Variants in SCHIP1 observed in about 807,000 individuals in gnomAD.
The protein encoded by SCHIP1 is schwannomin interacting protein 1, also known as schwannomin-interacting protein 1.
SCHIP1 carries 8 observed loss-of-function variants against 29.7 expected under a neutral mutation model. The observed-to-expected ratio is 0.27, with a 90% confidence interval of 0.16 to 0.49. The LOEUF (loss-of-function observed/expected upper bound fraction) is 0.49, where lower values mean the gene tolerates loss of function less well. Ranked by LOEUF, SCHIP1 falls within the 20% of genes least tolerant of loss-of-function variation. The pLI, the probability that SCHIP1 is intolerant of heterozygous loss-of-function variation, is 0.99. For synonymous variants in SCHIP1, 76 were observed against 94.9 expected (o/e 0.80, Z 1.16); for missense variants, 193 against 294.6 (o/e 0.66, Z 2.52).
the SCHIP1 span, among the ~76,000 whole-genome samples, chr3:159,759,415 C>T: frequency 2.4e-4 from 37 of 152,294 alleles, no homozygotes; most frequent in Middle Eastern, 3.4e-3. Flanking sequence ...TGAAAAGATT[C>T]GGAGACATTT....
At chr3:159,804,323 T>G in the SCHIP1 span, among the ~76,000 whole-genome samples, 1 of 152,262 alleles carries the variant, frequency 6.6e-6, no homozygotes, top group Admixed American at 6.5e-5. Flanking sequence ...TTCAAAGGTC[T>G]GTTGCAGGGA....
the SCHIP1 span, among the ~76,000 whole-genome samples, chr3:159,279,668 A>G: frequency 7.4e-6 from 1 of 135,422 alleles, no homozygotes; most frequent in East Asian, 2.2e-4. Flanking sequence ...AGCCTTGACC[A>G]TTGCTAATTT....
intron 1 of SCHIP1, among the ~76,000 whole-genome samples, chr3:159,843,012 T>C (rs1257875633): frequency 1.9e-5 from 1 of 53,930 alleles, no homozygotes; most frequent in African/African-American, 1.5e-4. Context: ...TTTTTTTTTT[T>C]TTTTTTTTTT....
At chr3:159,700,622 C>G in the SCHIP1 span, among the ~76,000 whole-genome samples, 1 of 152,002 alleles carries the variant, frequency 6.6e-6, no homozygotes, top group Non-Finnish European at 1.5e-5. Context: ...GAGTTCGAGA[C>G]CAGCCTGACC....
At chr3:159,474,284 C>A in the SCHIP1 span, among the ~76,000 whole-genome samples, 3 of 152,208 alleles carry the variant, frequency 2.0e-5, no homozygotes, top group South Asian at 4.1e-4. Flanking sequence ...ATCTGTCAAA[C>A]CACGAACATA....
chr3:159,881,092 A>G (rs1360897810), intron 2 of SCHIP1, among the ~76,000 whole-genome samples: 1 of 152,188 alleles, frequency 6.6e-6, no homozygotes, highest in South Asian at 2.1e-4. Flanking sequence ...AACTGAACAC[A>G]TTTTATAGCG....
the SCHIP1 span, among the ~76,000 whole-genome samples, chr3:159,788,190 C>T: frequency 2.0e-5 from 3 of 152,162 alleles, no homozygotes; most frequent in Admixed American, 2.0e-4. Context: ...AGTCTGCTCC[C>T]ATCTCTCAGG....
the SCHIP1 span, among the ~76,000 whole-genome samples, chr3:159,515,382 G>A: frequency 2.0e-5 from 3 of 152,170 alleles, no homozygotes; most frequent in African/African-American, 7.2e-5. Context: ...AAGGAGTCAT[G>A]TGCTGTATTT....
At chr3:159,535,238 A>C in the SCHIP1 span, among the ~76,000 whole-genome samples, 7 of 151,764 alleles carry the variant, frequency 4.6e-5, no homozygotes, top group African/African-American at 1.5e-4. Flanking sequence ...ATATCCAATG[A>C]CTCTTGGTGA....
upstream of SCHIP1, among the ~76,000 whole-genome samples, chr3:159,837,883 T>C (rs1348146171): frequency 1.3e-5 from 2 of 152,230 alleles, no homozygotes; most frequent in Non-Finnish European, 2.9e-5. Flanking sequence ...TCATCTTGAC[T>C]CATTCCCTAC....
the SCHIP1 span, among the ~76,000 whole-genome samples, chr3:159,834,322 T>C: frequency 6.6e-6 from 1 of 152,196 alleles, no homozygotes; most frequent in Non-Finnish European, 1.5e-5. Context: ...TGTTGCAGTC[T>C]CCTGGTTCAC....
the SCHIP1 span, among the ~76,000 whole-genome samples, chr3:159,379,231 T>C: frequency 6.6e-6 from 1 of 151,992 alleles, no homozygotes; most frequent in African/African-American, 2.4e-5. Context: ...GTTTTTGTTT[T>C]TTTTTTTTGA....
At chr3:159,469,310 A>G in the SCHIP1 span, among the ~76,000 whole-genome samples, 1 of 152,156 alleles carries the variant, frequency 6.6e-6, no homozygotes, top group African/African-American at 2.4e-5. Flanking sequence ...CATAATAGAA[A>G]AAGTAACCTG....
chr3:159,301,650 G>T, the SCHIP1 span, among the ~76,000 whole-genome samples: 90 of 152,258 alleles, frequency 5.9e-4, no homozygotes, highest in African/African-American at 2.0e-3. Context: ...GGGTTCTCAT[G>T]AGATCTGATG....
At chr3:159,719,060 G>C in the SCHIP1 span, among the ~76,000 whole-genome samples, 2 of 152,074 alleles carry the variant, frequency 1.3e-5, no homozygotes, top group African/African-American at 2.4e-5. Context: ...ACAGAACAGC[G>C]CCCTCAGAAA....
the SCHIP1 span, among the ~76,000 whole-genome samples, chr3:159,316,739 A>G: frequency 3.3e-5 from 5 of 152,250 alleles, no homozygotes; most frequent in East Asian, 9.6e-4. Context: ...AAGTACAATT[A>G]CATAAAGTTA....
chr3:159,761,140 T>C, the SCHIP1 span, among the ~76,000 whole-genome samples: 3 of 151,682 alleles, frequency 2.0e-5, no homozygotes, highest in Non-Finnish European at 4.4e-5. Flanking sequence ...GGTAGGGGAG[T>C]AGTTAATGAA....
chr3:159,880,696 G>T (rs997497849), intron 2 of SCHIP1, among the ~76,000 whole-genome samples: 1 of 152,176 alleles, frequency 6.6e-6, no homozygotes, highest in Non-Finnish European at 1.5e-5. Context: ...GCCTATTGGT[G>T]CCATGAAATT....
the SCHIP1 span, among the ~76,000 whole-genome samples, chr3:159,703,146 C>T: frequency 1.1e-4 from 17 of 152,112 alleles, no homozygotes; most frequent in Non-Finnish European, 1.6e-4. Flanking sequence ...AGTGTGGTAC[C>T]TTTCTGTTTA....
Sources: allele counts gnomAD v4.1 joint callset (sites outside exome capture counted in the v4.1 genomes callset), GRCh38; gene constraint gnomAD v4.1.1; transcripts MANE v1.5; gene names NCBI Gene and HGNC (gene_info 2026-07-23, HGNC 2026-07-21).